The following TBC1D1 variants were observed in gnomAD, a reference collection of about 807,000 sequenced individuals.
TBC1D1 encodes TBC1 domain family member 1.
A neutral mutation model predicts 125.6 loss-of-function variants in TBC1D1; 89 were observed. That is an observed-to-expected ratio of 0.71 (90% CI 0.60 to 0.85). The LOEUF (loss-of-function observed/expected upper bound fraction) is 0.85. Among genes scored for constraint, TBC1D1 ranks in the 40% least tolerant of loss-of-function variants. TBC1D1 has a pLI of 0.00. For synonymous variants in TBC1D1, 565 were observed against 564.1 expected (o/e 1.00, Z -0.02); for missense variants, 1,377 against 1,469.2 (o/e 0.94, Z 1.03).
chr4:38,134,882 A>G (rs1279487313), intron 19 of TBC1D1, among the ~76,000 whole-genome samples: 6 of 152,318 alleles, frequency 3.9e-5, no homozygotes, highest in Non-Finnish European at 4.4e-5. Context: ...ACACTTCTGG[A>G]AGGATCATTC....
chr4:38,122,780 G>A (rs563461599), intron 17 of TBC1D1, among the ~76,000 whole-genome samples: 19 of 152,314 alleles, frequency 1.2e-4, no homozygotes, highest in Non-Finnish European at 2.4e-4. Flanking sequence ...GTTGTGAATA[G>A]CATTGGGAAA....
chr4:37,952,999 A>T (rs1728199386), intron 2 of TBC1D1, among the ~76,000 whole-genome samples: 1 of 152,184 alleles, frequency 6.6e-6, no homozygotes, highest in Non-Finnish European at 1.5e-5. Context: ...AGATGTGCTG[A>T]TTGATGACGT....
At chr4:38,028,130 C>CAAAAAAAA (rs543949534) in intron 7 of TBC1D1, among the ~76,000 whole-genome samples, 1 of 150,250 alleles carries the variant, frequency 6.7e-6, no homozygotes, top group Non-Finnish European at 1.5e-5. Context: ...AACAAACAAA[C>CAAAAAAAA]AAAAAAAACA....
chr4:38,027,252 T>G (rs1745245236), intron 6 of TBC1D1, among the ~76,000 whole-genome samples: 1 of 152,210 alleles, frequency 6.6e-6, no homozygotes. Flanking sequence ...TGGTGCAAGC[T>G]TAATGCCTAT....
chr4:38,006,343 A>G (rs923668246), intron 2 of TBC1D1, among the ~76,000 whole-genome samples: 7 of 152,184 alleles, frequency 4.6e-5, no homozygotes, highest in African/African-American at 1.7e-4. Flanking sequence ...AGACTTCAAC[A>G]AGGAGATGAT....
At chr4:38,006,212 T>C (rs530457746) in intron 2 of TBC1D1, among the ~76,000 whole-genome samples, 1 of 150,896 alleles carries the variant, frequency 6.6e-6, no homozygotes, top group East Asian at 1.9e-4. Context: ...TTTGGTGACT[T>C]TTTTTTTTAT....
At chr4:37,915,319 C>T (rs1719496530) in intron 2 of TBC1D1, among the ~76,000 whole-genome samples, 1 of 152,152 alleles carries the variant, frequency 6.6e-6, no homozygotes, top group Admixed American at 6.5e-5. Context: ...ATTATGGAGG[C>T]TGAGAAATCT....
At chr4:38,008,204 T>C (rs1426384060) in intron 2 of TBC1D1, among the ~76,000 whole-genome samples, 1 of 152,212 alleles carries the variant, frequency 6.6e-6, no homozygotes, top group Non-Finnish European at 1.5e-5. Flanking sequence ...ACATTTTAAG[T>C]TTTAAAAACT....
At chr4:37,894,666 C>A (rs1314433368) in intron 1 of TBC1D1, among the ~76,000 whole-genome samples, 1 of 152,120 alleles carries the variant, frequency 6.6e-6, no homozygotes, top group East Asian at 1.9e-4. Context: ...TAGAACAGTG[C>A]CTGGTACACA....
At chr4:38,012,938 C>A (rs984192838) in intron 2 of TBC1D1, among the ~76,000 whole-genome samples, 1 of 152,134 alleles carries the variant, frequency 6.6e-6, no homozygotes, top group Non-Finnish European at 1.5e-5. Flanking sequence ...GGATTACAGG[C>A]ACCTGCCACC....
At chr4:38,070,258 C>A (rs1213568275) in intron 12 of TBC1D1, among the ~76,000 whole-genome samples, 1 of 152,202 alleles carries the variant, frequency 6.6e-6, no homozygotes, top group African/African-American at 2.4e-5. Flanking sequence ...TCAAAGATCC[C>A]TCTGCTAGGA....
At position 37,977,959 on chromosome 4, in the gene TBC1D1, C is replaced by T. The variant is rs1702738410; in HGVS notation, c.418-36550C>T. 6.6e-6 allele frequency among the ~76,000 whole-genome samples: 1 copy of T among 152,190 alleles called. No individual in the cohort carries two copies. The highest frequency in any genetic ancestry group is 1.5e-5 in the Non-Finnish European group (1 of 68,026). ...GCAGAAGTCGGCTTGCGCTGGGCCG[C>T]CTGGACAGGGCGCCGAGGATGCCCA... On this transcript the variant is annotated intron_variant, in intron 2 of 19. Coordinates refer to ENST00000261439, the MANE Select transcript of TBC1D1 (RefSeq NM_015173.4). This position sits in a 1 kb window ranked among gnomAD's most constrained non-coding sequence, Gnocchi z 4.3.
intron 2 of TBC1D1, among the ~76,000 whole-genome samples, chr4:38,010,308 C>T (rs1416153363): frequency 6.6e-6 from 1 of 152,124 alleles, no homozygotes; most frequent in Non-Finnish European, 1.5e-5. Context: ...CCTTTCTGGG[C>T]GTCTCTAACC....
At chr4:38,131,062 A>T (rs1020526977) in intron 18 of TBC1D1, among the ~76,000 whole-genome samples, 2 of 152,184 alleles carry the variant, frequency 1.3e-5, no homozygotes, top group African/African-American at 4.8e-5. Flanking sequence ...CAGGGGCATA[A>T]CTGCAGAATG....
chr4:38,110,876 C>A, intron 15 of TBC1D1: 1 of 938,024 alleles, frequency 1.1e-6, no homozygotes, highest in Non-Finnish European at 1.3e-6. Context: ...AGCTAGCATG[C>A]TTCTCCTATG....
intron 12 of TBC1D1, among the ~76,000 whole-genome samples, chr4:38,073,336 G>T (rs1755028218): frequency 6.6e-6 from 1 of 152,188 alleles, no homozygotes; most frequent in Non-Finnish European, 1.5e-5. Context: ...TTGATTTTCT[G>T]TGTTGGGCCT....
At chr4:38,070,933 T>C (rs1754603936) in intron 12 of TBC1D1, among the ~76,000 whole-genome samples, 1 of 152,228 alleles carries the variant, frequency 6.6e-6, no homozygotes, top group South Asian at 2.1e-4. Flanking sequence ...TGCTAACCAG[T>C]ATTCAGATTT....
chr4:38,045,044 T>G (rs1462530518), intron 9 of TBC1D1, among the ~76,000 whole-genome samples: 1 of 152,240 alleles, frequency 6.6e-6, no homozygotes, highest in Admixed American at 6.5e-5. Context: ...TCACAAAGCA[T>G]AAGACACTTA....
chr4:38,052,182 T>C lies in TBC1D1; in HGVS notation c.1911-2017T>C, dbSNP rs199599619. 4 of 804,436 alleles carry C rather than the reference T, an allele frequency of 5.0e-6. No individual in the cohort carries two copies. In the African/African-American group the frequency reaches 5.4e-5, roughly 11 times the overall value. The allele number at this position is 804,436 out of a possible 1,614,324, so 49.8% of individuals were successfully genotyped here. On this transcript the variant is annotated intron_variant, in intron 11 of 19. Transcript: ENST00000261439. ...AGCAGAGCCACTGTGTGTGTGTGTGTGTGTGTGTGTGTGCGCGCGCGTGTG... is the reference window on the plus strand; with the variant it reads ...AGCAGAGCCACTGTGTGTGTGTGTGCGTGTGTGTGTGTGCGCGCGCGTGTG...
Sources: allele counts gnomAD v4.1 joint callset (sites outside exome capture counted in the v4.1 genomes callset), GRCh38; gene constraint gnomAD v4.1.1; non-coding constraint Gnocchi (gnomAD v3.1); transcripts MANE v1.5; gene names NCBI Gene and HGNC (gene_info 2026-07-23, HGNC 2026-07-21).